The following DIP2C variants were observed in gnomAD, a reference collection of about 807,000 sequenced individuals.
DIP2C encodes the protein DIP2 acetate--CoA ligase C (putative).
In DIP2C, 33 loss-of-function variants were observed where a neutral mutation model predicts 192.4. The observed-to-expected ratio is 0.17, with a 90% CI of 0.13 to 0.23. The LOEUF (loss-of-function observed/expected upper bound fraction) is 0.23. Among genes scored for constraint, DIP2C ranks in the 10% least tolerant of loss-of-function variants. The pLI, the probability that DIP2C is intolerant of heterozygous loss-of-function variation, is 1.00. For synonymous variants in DIP2C, 979 were observed against 864.1 expected, an observed-to-expected ratio of 1.13 and a Z score of -2.33; for missense variants, 1,537 against 2,110.1, an observed-to-expected ratio of 0.73 and a Z score of 5.32.
intron 1 of DIP2C, among the ~76,000 whole-genome samples, chr10:527,921 C>CA (rs1847152010): frequency 6.6e-6 from 1 of 152,242 alleles, no homozygotes. Context: ...GCCACGGCTA[C>CA]ACTTTACTCC....
At chr10:517,310 C>T (rs1012036791) in intron 1 of DIP2C, among the ~76,000 whole-genome samples, 2 of 152,174 alleles carry the variant, frequency 1.3e-5, no homozygotes, top group African/African-American at 2.4e-5. Context: ...ACATGACACC[C>T]CCACTATGGT....
At chr10:379,173 TCCC>T (rs934979019) in intron 17 of DIP2C, among the ~76,000 whole-genome samples, 3 of 98,212 alleles carry the variant, frequency 3.1e-5, no homozygotes, top group Middle Eastern at 6.0e-3. Context: ...TGCTGCTGGC[TCCC>T]GAGTGCCACG....
intron 1 of DIP2C, among the ~76,000 whole-genome samples, chr10:505,395 A>G (rs534854565): frequency 7.9e-5 from 12 of 152,320 alleles, no homozygotes; most frequent in Non-Finnish European, 1.5e-4. Context: ...TACTGCCACA[A>G]TTTGTGTGTT....
At chr10:579,083 TAC>T (rs893832447) in intron 1 of DIP2C, among the ~76,000 whole-genome samples, 35 of 152,082 alleles carry the variant, frequency 2.3e-4, no homozygotes, top group African/African-American at 7.0e-4. Context: ...GCATAGAGCA[TAC>T]ACACATGCAG....
At chr10:505,872 G>C (rs1845566235) in intron 1 of DIP2C, among the ~76,000 whole-genome samples, 1 of 152,212 alleles carries the variant, frequency 6.6e-6, no homozygotes, top group Non-Finnish European at 1.5e-5. Flanking sequence ...GTAGGATGCT[G>C]CATGTGCCTA....
At chr10:395,120 G>C (rs1589695621) in intron 10 of DIP2C, among the ~76,000 whole-genome samples, 1 of 112,260 alleles carries the variant, frequency 8.9e-6, no homozygotes. Flanking sequence ...GAGTTGGGGG[G>C]AGGGAGGAGT....
chr10:379,835 C>T (rs1962163282), intron 17 of DIP2C, among the ~76,000 whole-genome samples: 1 of 151,920 alleles, frequency 6.6e-6, no homozygotes, highest in Non-Finnish European at 1.5e-5. Context: ...CAGGGGCTGT[C>T]CCTGGAAGAT....
In DIP2C at chr10:378,860, AAC is replaced by A. The variant is rs201635967; in HGVS notation, c.1991+3785_1991+3786del. On this transcript the variant is annotated intron_variant, in intron 17 of 36. Transcript: ENST00000280886. ...GAACAGACATGCATAGACACATGTG[AAC>A]AGACATGCCTAGACACACGTGAACA... 8.8e-4 allele frequency among the ~76,000 whole-genome samples: 133 copies of A among 150,766 alleles called. 4 individuals are homozygous for A. In the South Asian group the frequency reaches 0.011, roughly 13 times the overall value.
chr10:610,631 G>C (rs1045797636), intron 1 of DIP2C, among the ~76,000 whole-genome samples: 1 of 152,380 alleles, frequency 6.6e-6, no homozygotes, highest in African/African-American at 2.4e-5. Context: ...GTGCAGGTAA[G>C]AACGGGGAGC....
chr10:384,232 G>A, intron 15 of DIP2C, 86 bp from the exon 16 acceptor site: 2 of 1,502,356 alleles, frequency 1.3e-6, no homozygotes, highest in Non-Finnish European at 1.8e-6. Flanking sequence ...GAGTAGTGGG[G>A]AAGGGTGAAG....
intron 31 of DIP2C, among the ~76,000 whole-genome samples, chr10:316,699 A>G (rs1484179196): frequency 6.6e-6 from 1 of 152,200 alleles, no homozygotes; most frequent in Non-Finnish European, 1.5e-5. Flanking sequence ...CCCAGCCCTC[A>G]GGAGCCCCTG....
chr10:689,531 C>G lies in DIP2C; in HGVS notation c.48G>C (p.Arg16=), dbSNP rs776486753. 2.3e-6 allele frequency: 3 copies of G among 1,301,652 alleles called. No homozygotes were observed. The South Asian group carries it at 4.5e-5, about 19-fold the overall frequency. The allele number at this position is 1,301,652 out of a possible 1,614,324, so 80.6% of individuals were successfully genotyped here. A position where few individuals can be genotyped will look rare whatever the true frequency, so the allele number is the denominator to read the frequency against. Residue 16 remains arginine, a synonymous_variant, in exon 1 of 37, where the codon CGG becomes CGC. Transcript: ENST00000280886. The surrounding 1 kb of genome is among the most constrained non-coding windows in gnomAD (Gnocchi z 6.1). The stretch of plus-strand genomic sequence containing the variant: ...CCAGCTCCAGCTCGGCCAGGCGCGC[C>G]CGCACCTCCAGGGGCAGCGCCATGC... ...LEGMALPLEV[R]ARLAELELEL...
chr10:385,452 C>A (rs1962812414), intron 14 of DIP2C, among the ~76,000 whole-genome samples: 1 of 152,230 alleles, frequency 6.6e-6, no homozygotes. Flanking sequence ...TCGTCATTTT[C>A]AACAGCCTTT....
chr10:537,737 A>G (rs1018840139), intron 1 of DIP2C, among the ~76,000 whole-genome samples: 1 of 152,186 alleles, frequency 6.6e-6, no homozygotes, highest in South Asian at 2.1e-4. Context: ...TGCTCTGGCA[A>G]TAAGCAAAGC....
intron 1 of DIP2C, among the ~76,000 whole-genome samples, chr10:579,746 CTA>C (rs1564223971): frequency 1.3e-5 from 2 of 151,894 alleles, no homozygotes; most frequent in Non-Finnish European, 2.9e-5. Context: ...CATAGGTACA[CTA>C]TAATGTATGT....
At chr10:287,505 C>T (rs1012041116) in intron 33 of DIP2C, among the ~76,000 whole-genome samples, 40 of 151,896 alleles carry the variant, frequency 2.6e-4, no homozygotes, top group African/African-American at 8.2e-4. Flanking sequence ...GACTATGGTC[C>T]GCCAGACTGT....
At chr10:387,907 G>C in intron 13 of DIP2C, 98 bp from the exon 14 acceptor site, 1 of 1,301,758 alleles carries the variant, frequency 7.7e-7, no homozygotes, top group Non-Finnish European at 1.1e-6. Flanking sequence ...GGAAATAACA[G>C]ATCTTGGGAA....
chr10:467,594 T>C (rs1232631743), intron 3 of DIP2C, among the ~76,000 whole-genome samples: 2 of 138,832 alleles, frequency 1.4e-5, no homozygotes, highest in African/African-American at 5.3e-5. Context: ...AAATGTGGCA[T>C]ATATATACCA....
chr10:293,020 G>A (rs1392106584), intron 32 of DIP2C, among the ~76,000 whole-genome samples: 1 of 152,222 alleles, frequency 6.6e-6, no homozygotes, highest in Non-Finnish European at 1.5e-5. Flanking sequence ...CAACAGAAGT[G>A]CGCCGGCATA....
Sources: gnomAD v4.1 joint callset for allele counts (sites outside exome capture counted in the v4.1 genomes callset) on GRCh38, gnomAD v4.1.1 for gene constraint, Gnocchi (gnomAD v3.1) non-coding constraint, MANE v1.5 for transcripts, NCBI Gene and HGNC (gene_info 2026-07-23, HGNC 2026-07-21) for gene names.